RAD54B: variants seen among roughly 807,000 people sequenced by gnomAD.
The protein encoded by RAD54B is DNA repair and recombination protein RAD54B.
RAD54B carries 78 observed loss-of-function variants against 95.8 expected under a neutral mutation model. The ratio of observed to expected loss-of-function variants is 0.81; its 90% confidence interval spans 0.68 to 0.98. The LOEUF (loss-of-function observed/expected upper bound fraction) is 0.98. Ranked by LOEUF, RAD54B falls within the 50% of genes least tolerant of loss-of-function variation. RAD54B has a pLI of 0.00. For missense variants in RAD54B, 957 were observed against 1,056.6 expected (o/e 0.91, Z 1.31); for synonymous variants, 328 against 354.9 (o/e 0.92, Z 0.85).
At chr8:94,378,074 A>T in intron 14 of RAD54B, 106 bp downstream of exon 14, 1 of 833,956 alleles carries the variant, frequency 1.2e-6, no homozygotes, top group Non-Finnish European at 1.8e-6. Context: ...TAAAACTAAC[A>T]TATGCAAATG....
intron 8 of RAD54B, among the ~76,000 whole-genome samples, chr8:94,398,255 A>G (rs1325620311): frequency 6.6e-6 from 1 of 152,124 alleles, no homozygotes; most frequent in Admixed American, 6.6e-5. Flanking sequence ...ATTTCCCAAA[A>G]TCATTTTTTT....
chr8:94,379,844 G>A (rs1810689547), intron 12 of RAD54B, among the ~76,000 whole-genome samples: 1 of 152,202 alleles, frequency 6.6e-6, no homozygotes, highest in Admixed American at 6.5e-5. Context: ...GGCCAACTCT[G>A]CAGTAAACTA....
At chr8:94,393,577 C>A in intron 9 of RAD54B, 166 bp downstream of exon 9, 1 of 568,730 alleles carries the variant, frequency 1.8e-6, no homozygotes. Flanking sequence ...GAATTTTAGA[C>A]AAGTGATGTC....
chr8:94,406,819 T>C (rs1056415605), intron 5 of RAD54B, among the ~76,000 whole-genome samples: 4 of 152,208 alleles, frequency 2.6e-5, no homozygotes, highest in Non-Finnish European at 4.4e-5. Flanking sequence ...AGCTCTGTGA[T>C]GACAGTTTTA....
chr8:94,422,769 T>C (rs544348627), intron 3 of RAD54B, among the ~76,000 whole-genome samples: 3 of 143,294 alleles, frequency 2.1e-5, no homozygotes, highest in East Asian at 2.0e-4. Context: ...TATATATATA[T>C]ATATATAATT....
chr8:94,439,844 A>C (rs1198927169), intron 3 of RAD54B, among the ~76,000 whole-genome samples: 1 of 152,216 alleles, frequency 6.6e-6, no homozygotes, highest in Non-Finnish European at 1.5e-5. Context: ...GGAAGCTCTC[A>C]GATAGCAGAC....
At chr8:94,442,158 T>A (rs575304105) in intron 3 of RAD54B, among the ~76,000 whole-genome samples, 3 of 152,324 alleles carry the variant, frequency 2.0e-5, no homozygotes, top group African/African-American at 7.2e-5. Context: ...AAATACCGTA[T>A]GTTCTCTCTC....
In RAD54B at chr8:94,430,789, C is replaced by T. The variant is rs1003298377; in HGVS notation, c.305-19474G>A. 4.1e-5 allele frequency: 40 copies of T among 985,232 alleles called. 1 individual carries two copies. Among genetic ancestry groups the T allele is most frequent in the East Asian group, 3.4e-4 (3 of 8,832 alleles). The allele number at this position is 985,232 out of a possible 1,614,324, so 61.0% of individuals were successfully genotyped here. A position where few individuals can be genotyped will look rare whatever the true frequency, so the allele number is the denominator to read the frequency against. ...AAAATGCAGATTTCTGGTTTATCCCCGCATGTGAAAATTCTGCTGGAGCTA... is the reference window on the plus strand; with the variant it reads ...AAAATGCAGATTTCTGGTTTATCCCTGCATGTGAAAATTCTGCTGGAGCTA... On this transcript the variant is annotated intron_variant, in intron 3 of 14. Transcript: ENST00000336148.
At chr8:94,473,653 T>C (rs1813223016) in intron 1 of RAD54B, among the ~76,000 whole-genome samples, 1 of 152,176 alleles carries the variant, frequency 6.6e-6, no homozygotes, top group East Asian at 1.9e-4. Context: ...TACAGGACAA[T>C]GACCAGAATC....
chr8:94,448,762 G>A (rs1812580661), intron 3 of RAD54B, among the ~76,000 whole-genome samples: 1 of 151,908 alleles, frequency 6.6e-6, no homozygotes, highest in African/African-American at 2.4e-5. Flanking sequence ...ACAGAAAGGT[G>A]GGTTGGTGGG....
chr8:94,426,228 C>T (rs1287844564), intron 3 of RAD54B, among the ~76,000 whole-genome samples: 1 of 148,792 alleles, frequency 6.7e-6, no homozygotes, highest in Non-Finnish European at 1.5e-5. Flanking sequence ...GCTGGGATGA[C>T]AGGTGTGAGC....
chr8:94,411,894 T>C (rs975267380), intron 3 of RAD54B, among the ~76,000 whole-genome samples: 3 of 152,156 alleles, frequency 2.0e-5, no homozygotes, highest in African/African-American at 7.2e-5. Flanking sequence ...AAACATTTTT[T>C]AAAATGCTAC....
At chr8:94,420,251 ATTTTT>A (rs57897762) in intron 3 of RAD54B, among the ~76,000 whole-genome samples, 2 of 117,030 alleles carry the variant, frequency 1.7e-5, no homozygotes, top group Admixed American at 1.8e-4. Flanking sequence ...AGAAAACTTG[ATTTTT>A]TTTTTTTTTT....
chr8:94,376,843 C>T (rs1220779590), intron 14 of RAD54B, among the ~76,000 whole-genome samples: 1 of 150,570 alleles, frequency 6.6e-6, no homozygotes, highest in African/African-American at 2.4e-5. Context: ...TAAAGAGAAA[C>T]ATTTATATAA....
At chr8:94,463,180 A>T (rs1440304009) in intron 2 of RAD54B, among the ~76,000 whole-genome samples, 1 of 133,908 alleles carries the variant, frequency 7.5e-6, no homozygotes, top group African/African-American at 2.6e-5. Flanking sequence ...CATCTCAAAA[A>T]CAAATAAATA....
At chr8:94,380,521 A>G in intron 11 of RAD54B, 115 bp from the exon 12 acceptor site, 1 of 1,048,646 alleles carries the variant, frequency 9.5e-7, no homozygotes, top group Non-Finnish European at 1.4e-6. Flanking sequence ...ACATGCAACA[A>G]TGACCTTGTA....
At chr8:94,440,406 A>G (rs557192704) in intron 3 of RAD54B, among the ~76,000 whole-genome samples, 1 of 152,354 alleles carries the variant, frequency 6.6e-6, no homozygotes, top group African/African-American at 2.4e-5. Context: ...TAAGTGGAAA[A>G]TACTATGCAG....
chr8:94,474,562 G>A (rs1165033417), intron 1 of RAD54B, among the ~76,000 whole-genome samples: 2 of 152,020 alleles, frequency 1.3e-5, no homozygotes, highest in Admixed American at 6.6e-5. Flanking sequence ...AGAAAAACCT[G>A]ACCAGTGAAG....
chr8:94,461,034 T>C (rs1812887398), intron 2 of RAD54B, among the ~76,000 whole-genome samples: 1 of 151,968 alleles, frequency 6.6e-6, no homozygotes, highest in Non-Finnish European at 1.5e-5. Context: ...CAGATTCCAG[T>C]GATTAGGACA....
Sources: allele counts gnomAD v4.1 joint callset (sites outside exome capture counted in the v4.1 genomes callset), GRCh38; gene constraint gnomAD v4.1.1; transcripts MANE v1.5; gene names NCBI Gene and HGNC (gene_info 2026-07-23, HGNC 2026-07-21).